The following COPB2 variants were observed in gnomAD, a reference collection of about 807,000 sequenced individuals.
The protein encoded by COPB2 is coatomer subunit beta'.
Under a neutral mutation model 120.8 loss-of-function variants are expected in COPB2, and 16 were observed. That is an observed-to-expected ratio of 0.13 (90% CI 0.09 to 0.20). The LOEUF is 0.20. Among genes scored for constraint, COPB2 ranks in the 10% least tolerant of loss-of-function variants. The pLI is 1.00. For synonymous variants in COPB2, 332 were observed against 366.3 expected, an observed-to-expected ratio of 0.91 and a Z score of 1.07; for missense variants, 794 against 1,076.5, an observed-to-expected ratio of 0.74 and a Z score of 3.67.
At position 139,373,783 on chromosome 3, in the gene COPB2, GCT is replaced by G; in HGVS notation, c.775_776del (p.Ser259HisfsTer5). 6.2e-7 allele frequency: 1 copy of G among 1,614,060 alleles called. No homozygotes were observed. On this transcript the variant is annotated frameshift_variant, in exon 8 of 22. Coordinates refer to ENST00000333188, the MANE Select transcript of COPB2 (RefSeq NM_004766.3). LOFTEE classifies it high-confidence loss of function. ...TCAGTGTGCTCTCAAGCCGGTAGGTGCTTGAATGCCAAATACGTACTGTTCCT... is the reference window on the plus strand; with the variant it reads ...TCAGTGTGCTCTCAAGCCGGTAGGTGTGAATGCCAAATACGTACTGTTCCT... ...EDGTVRIWHS[S>X]TYRLESTLNY...
Position 139,368,275 on chromosome 3 carries a change from T to C in COPB2, c.1415A>G (p.Asp472Gly), listed in dbSNP as rs1941557430. The change falls in exon 13 of 22, where the codon GAC (aspartate) becomes GGC (glycine). Residue 472 changes from aspartate (D) to glycine (G), a missense_variant. Asp to Gly is a moderately conservative substitution (Grantham distance 94, BLOSUM62 -1). Around this residue, in one of 3 missense-constraint regions of COPB2, gnomAD observed 610 missense variants for 866.7 expected, o/e 0.70. Coordinates refer to ENST00000333188, the MANE Select transcript of COPB2 (RefSeq NM_004766.3). ...EIQPKHIFWS[D>G]SGELVCIATE... ...AGCAATACAGACTAGCTCTCCAGAG[T>C]CAGACCAGAAAATCTGCAACACAAC... 6.2e-7 allele frequency: 1 copy of C among 1,608,542 alleles called. No individual in the cohort carries two copies. The highest frequency in any genetic ancestry group is 1.3e-5 in the African/African-American group (1 of 74,636).
chr3:139,374,194 C>T (rs1308525309), intron 7 of COPB2: 5 of 424,760 alleles, frequency 1.2e-5, no homozygotes, highest in African/African-American at 1.0e-4. Context: ...GATTTTGAAC[C>T]CAGGTTTGTT....
At chr3:139,366,975 C>G in intron 14 of COPB2, 40 bp downstream of exon 14, 1 of 1,587,898 alleles carries the variant, frequency 6.3e-7, no homozygotes, top group Non-Finnish European at 8.6e-7. Context: ...TCTAAACACA[C>G]TTTAAAATTT....
chr3:139,361,012 A>G, intron 17 of COPB2, 69 bp downstream of exon 17: 3 of 1,541,610 alleles, frequency 1.9e-6, no homozygotes, highest in Non-Finnish European at 2.7e-6. Context: ...TCCAGGGTTC[A>G]TTCTTCACTT....
intron 15 of COPB2, among the ~76,000 whole-genome samples, chr3:139,362,916 T>A (rs892811573): frequency 6.6e-6 from 1 of 152,270 alleles, no homozygotes; most frequent in African/African-American, 2.4e-5. Context: ...TAAACTTAGC[T>A]GTTGGTAATC....
At chr3:139,385,940 C>T (rs1233807633) in intron 1 of COPB2, among the ~76,000 whole-genome samples, 1 of 152,138 alleles carries the variant, frequency 6.6e-6, no homozygotes, top group African/African-American at 2.4e-5. Context: ...ACTGTCAAAT[C>T]TTTATTGCTG....
At chr3:139,380,751 G>A (rs1941795291) in intron 2 of COPB2, 1 of 152,172 alleles carries the variant, frequency 6.6e-6, no homozygotes, top group Non-Finnish European at 1.5e-5. Flanking sequence ...TTTAGACAAA[G>A]GCTGAATGAG....
At chr3:139,377,670 A>T (rs892486811) in intron 5 of COPB2, among the ~76,000 whole-genome samples, 2 of 152,236 alleles carry the variant, frequency 1.3e-5, no homozygotes, top group Non-Finnish European at 2.9e-5. Flanking sequence ...ATAGAGGCAT[A>T]TGGAATTTAA....
chr3:139,385,872 T>C (rs1941910181), intron 1 of COPB2, among the ~76,000 whole-genome samples: 1 of 152,236 alleles, frequency 6.6e-6, no homozygotes, highest in Non-Finnish European at 1.5e-5. Flanking sequence ...ATTTAAAATA[T>C]ATTTCCCCTT....
chr3:139,377,905 T>A (rs371219229), intron 5 of COPB2, 136 bp downstream of exon 5: 1 of 722,190 alleles, frequency 1.4e-6, no homozygotes, highest in Non-Finnish European at 2.0e-6. Flanking sequence ...AAATGAGAAA[T>A]CCTATTTTGA....
intron 15 of COPB2, among the ~76,000 whole-genome samples, chr3:139,366,043 C>A (rs1162898268): frequency 6.6e-6 from 1 of 151,992 alleles, no homozygotes; most frequent in Non-Finnish European, 1.5e-5. Flanking sequence ...AACTGCTATA[C>A]CTCAAGTTAT....
intron 5 of COPB2, among the ~76,000 whole-genome samples, chr3:139,376,189 T>G (rs1186758967): frequency 7.2e-5 from 11 of 152,150 alleles, no homozygotes; most frequent in Admixed American, 7.2e-4. Flanking sequence ...CCCAGAAGTT[T>G]GAGGTTACAG....
At chr3:139,360,517 CAAAAAAAAA>C (rs11439096) in intron 17 of COPB2, among the ~76,000 whole-genome samples, 1 of 88,402 alleles carries the variant, frequency 1.1e-5, no homozygotes, top group Non-Finnish European at 2.1e-5. Context: ...GATTCCATCT[CAAAAAAAAA>C]AAAAAAAAAA....
intron 12 of COPB2, 28 bp downstream of exon 12, chr3:139,369,233 C>CA: frequency 6.4e-7 from 1 of 1,573,636 alleles, no homozygotes; most frequent in African/African-American, 1.4e-5. Context: ...ATAAATATTC[C>CA]AAAAACAACA....
chr3:139,365,607 A>G (rs1467186583), intron 15 of COPB2, among the ~76,000 whole-genome samples: 1 of 152,204 alleles, frequency 6.6e-6, no homozygotes, highest in African/African-American at 2.4e-5. Flanking sequence ...GGAAGCCCCA[A>G]CATGATGGTG....
chr3:139,358,001 T>G, intron 21 of COPB2, 43 bp from the exon 22 acceptor site: 1 of 1,243,308 alleles, frequency 8.0e-7, no homozygotes, highest in Non-Finnish European at 1.1e-6. Flanking sequence ...TACAGTACTG[T>G]TAAAGGAAAG....
At chr3:139,360,236 C>T (rs1324064489) in intron 17 of COPB2, among the ~76,000 whole-genome samples, 3 of 149,828 alleles carry the variant, frequency 2.0e-5, no homozygotes, top group Admixed American at 6.7e-5. Flanking sequence ...TTAAAGAATA[C>T]TTTCGGGCTG....
chr3:139,379,195 C>A, intron 3 of COPB2, 22 bp from the exon 4 acceptor site: 1 of 1,580,122 alleles, frequency 6.3e-7, no homozygotes, highest in Non-Finnish European at 8.6e-7. Context: ...AATTTTAAAA[C>A]CATCATCCCT....
At chr3:139,381,975 A>T (rs954060463) in intron 2 of COPB2, 1 of 152,256 alleles carries the variant, frequency 6.6e-6, no homozygotes, top group South Asian at 2.1e-4. Context: ...TGTAGAGAAC[A>T]CAAATACTGA....
Sources: allele counts gnomAD v4.1 joint callset (sites outside exome capture counted in the v4.1 genomes callset), GRCh38; gene constraint gnomAD v4.1.1; regional missense constraint gnomAD v4.1.1; transcripts MANE v1.5; gene names NCBI Gene and HGNC (gene_info 2026-07-23, HGNC 2026-07-21).